The following DHRS4 variants were observed in gnomAD, a reference collection of about 807,000 sequenced individuals.
The protein encoded by DHRS4 is dehydrogenase/reductase SDR family member 4.
In DHRS4, 20 loss-of-function variants were observed where a neutral mutation model predicts 28.4. The ratio of observed to expected loss-of-function variants is 0.71; its 90% CI spans 0.50 to 1.02. The LOEUF is 1.02. Among genes scored for constraint, DHRS4 ranks in the 50% least tolerant of loss-of-function variants. The pLI is 0.00. For synonymous variants in DHRS4, 144 were observed against 146.4 expected (o/e 0.98, Z 0.12); for missense variants, 378 against 367.2 (o/e 1.03, Z -0.24).
In DHRS4 at chr14:23,959,263, C is replaced by G. The variant is rs186538135; in HGVS notation, c.307-639C>G. Among the ~76,000 whole-genome samples, 1,465 of 152,228 alleles carry G rather than the reference C, an allele frequency of 9.6e-3. 26 individuals carry two copies. Among genetic ancestry groups the G allele is most frequent in the African/African-American group, 0.033 (1,354 of 41,540 alleles). ...GGAAGAATAGGAGGTGGGAAGAAAA[C>G]ACTGCAAAAGAAATAGGGCCAACTT... On this transcript the variant is annotated intron_variant, in intron 2 of 7. Coordinates refer to ENST00000313250, the MANE Select transcript of DHRS4 (RefSeq NM_021004.4).
intron 2 of DHRS4, among the ~76,000 whole-genome samples, chr14:23,958,698 C>G (rs1007479015): frequency 4.6e-5 from 7 of 152,196 alleles, no homozygotes; most frequent in Non-Finnish European, 8.8e-5. Context: ...CATCACGGCT[C>G]TCCTGGGCAA....
intron 1 of DHRS4, among the ~76,000 whole-genome samples, chr14:23,954,615 C>CA (rs1236294747): frequency 1.7e-4 from 26 of 152,176 alleles, no homozygotes; most frequent in Non-Finnish European, 2.5e-4. Context: ...ACATGCACCC[C>CA]AAAAAATAAC....
At position 23,960,041 on chromosome 14, in the gene DHRS4, C is replaced by A. The variant is rs1445536753; in HGVS notation, c.408+38C>A. On this transcript the variant is annotated intron_variant, in intron 3 of 7. Transcript: ENST00000313250. ...TAAAGCAGGGGGGCCGGGGGGGGCG[C>A]CTTGGAACACATTCAGCACAAACTC... The A allele has an allele frequency of 4.5e-6, 7 of 1,567,608 alleles. No homozygotes were observed. In the East Asian group the frequency reaches 1.3e-4, roughly 30 times the overall value.
chr14:23,954,922 T>A, intron 1 of DHRS4, 113 bp from the exon 2 acceptor site: 1 of 1,537,790 alleles, frequency 6.5e-7, no homozygotes, highest in Non-Finnish European at 8.8e-7. Flanking sequence ...ACGTAGGGGT[T>A]ATATAGAGAA....
At position 23,953,852 on chromosome 14, in the gene DHRS4, T is replaced by C. The variant is rs1594406601; in HGVS notation, c.64T>C (p.Ser22Pro). Residue 22 changes from serine to proline, a missense_variant, in exon 1 of 8, where the codon TCC becomes CCC. By Grantham distance (74) the Ser-to-Pro change is moderately conservative. Coordinates refer to ENST00000313250, the MANE Select transcript of DHRS4 (RefSeq NM_021004.4). The part of the protein sequence containing the change: ...RAWNSVRMAS[S>P]GMTRRDPLAN... Reference sequence around the variant, plus strand: ...TTGGAATTCGGTGCGGATGGCCAGCTCCGGGATGACCCGCCGGGACCCGCT... The same window carrying C: ...TTGGAATTCGGTGCGGATGGCCAGCCCCGGGATGACCCGCCGGGACCCGCT... 1.2e-6 allele frequency: 2 copies of C among 1,613,636 alleles called. No homozygotes were observed. The highest frequency in any genetic ancestry group is 1.7e-6 in the Non-Finnish European group (2 of 1,179,808).
chr14:23,963,948 A>G (rs2033512281), intron 3 of DHRS4, among the ~76,000 whole-genome samples: 1 of 151,348 alleles, frequency 6.6e-6, no homozygotes, highest in African/African-American at 2.5e-5. Context: ...ACAGAGAGGG[A>G]GAGAGATGAG....
Position 23,968,937 on chromosome 14 carries a change from C to T in DHRS4, c.*66C>T. 1.3e-6 allele frequency: 2 copies of T among 1,593,966 alleles called. No individual in the cohort carries two copies. The highest frequency in any genetic ancestry group is 1.8e-4 in the Middle Eastern group (1 of 5,690). Reference sequence around the variant, plus strand: ...TCCTGGTGCTGTTCCCGCATTCACCCACTGGCCTTTCCCACCTCTGCTCAC... The same window carrying T: ...TCCTGGTGCTGTTCCCGCATTCACCTACTGGCCTTTCCCACCTCTGCTCAC... On this transcript the variant is annotated 3_prime_UTR_variant, in exon 8 of 8. Coordinates refer to ENST00000313250, the MANE Select transcript of DHRS4 (RefSeq NM_021004.4).
chr14:23,966,384 A>C lies in DHRS4; in HGVS notation c.633A>C (p.Ala211=). ...APRNIRVNCL[A]PGLIKTSFSR... ...GGAACATTAGGGTGAACTGCCTAGC[A>C]CCTGGACTTATCAAGACTAGCTTCA... The change falls in exon 6 of 8, where the codon GCA becomes GCC. Residue 211 remains alanine, a synonymous_variant. Coordinates refer to ENST00000313250, the MANE Select transcript of DHRS4 (RefSeq NM_021004.4). 3.1e-6 allele frequency: 5 copies of C among 1,614,026 alleles called. No homozygotes were observed. Among genetic ancestry groups the C allele is most frequent in the Non-Finnish European group, 4.2e-6 (5 of 1,180,014 alleles).
chr14:23,960,437 A>C (rs913109597), intron 3 of DHRS4, among the ~76,000 whole-genome samples: 2 of 152,070 alleles, frequency 1.3e-5, no homozygotes, highest in Non-Finnish European at 2.9e-5. Context: ...CTTATTTAAA[A>C]TACTAATTCT....
intron 3 of DHRS4, among the ~76,000 whole-genome samples, chr14:23,960,242 C>T (rs867177879): frequency 6.6e-5 from 10 of 152,120 alleles, no homozygotes; most frequent in Middle Eastern, 3.4e-3. Flanking sequence ...CTTCACTAGC[C>T]ACAGTCTGCT....
At position 23,959,426 on chromosome 14, in the gene DHRS4, C is replaced by A. The variant is rs190916288; in HGVS notation, c.307-476C>A. On this transcript the variant is annotated intron_variant, in intron 2 of 7. Coordinates refer to ENST00000313250, the MANE Select transcript of DHRS4 (RefSeq NM_021004.4). ...TACAAAAATTGCCCGGGTGTGGTGG[C>A]ACGCACTTGTAGTCCCAACTACTTG... Among the ~76,000 whole-genome samples the A allele has an allele frequency of 4.7e-3, 711 of 152,190 alleles. 9 individuals carry two copies. The highest frequency in any genetic ancestry group is 0.016 in the African/African-American group (668 of 41,520).
At chr14:23,966,493 C>T (rs1440010686) in intron 6 of DHRS4, 76 bp downstream of exon 6, 4 of 1,589,126 alleles carry the variant, frequency 2.5e-6, no homozygotes, top group Non-Finnish European at 3.4e-6. Context: ...AAGCCCACTA[C>T]CTGAGTCCTG....
At chr14:23,966,172 C>T in intron 5 of DHRS4, 111 bp from the exon 6 acceptor site, 2 of 1,574,444 alleles carry the variant, frequency 1.3e-6, no homozygotes, top group Non-Finnish European at 8.6e-7. Flanking sequence ...TTCCCTAACT[C>T]TGCCCCTCCC....
At chr14:23,959,358 G>A (rs1467975120) in intron 2 of DHRS4, among the ~76,000 whole-genome samples, 1 of 152,208 alleles carries the variant, frequency 6.6e-6, no homozygotes, top group African/African-American at 2.4e-5. Context: ...AGGAGTTCCA[G>A]ACCAGCCTGG....
Position 23,966,001 on chromosome 14 carries a change from T to C in DHRS4, c.531+18T>C. 1.2e-6 allele frequency: 2 copies of C among 1,610,166 alleles called. 1 individual carries two copies. Among genetic ancestry groups the C allele is most frequent in the Admixed American group, 3.3e-5 (2 of 59,912 alleles). On this transcript the variant is annotated intron_variant, in intron 5 of 7. Transcript: ENST00000313250. ...CATCTCCTGTAAGAACCCTTTTGTC[T>C]ACCTCTTCCATCCCACCCTCCACTC...
At chr14:23,962,763 C>A (rs1460112493) in intron 3 of DHRS4, among the ~76,000 whole-genome samples, 13 of 151,124 alleles carry the variant, frequency 8.6e-5, no homozygotes, top group Middle Eastern at 3.4e-3. Flanking sequence ...TAAAATGGTG[C>A]ATCCTTTACA....
intron 2 of DHRS4, among the ~76,000 whole-genome samples, chr14:23,957,812 A>T (rs61999767): frequency 1.3e-5 from 2 of 148,966 alleles, no homozygotes; most frequent in Non-Finnish European, 3.0e-5. Flanking sequence ...GGGCCTACCA[A>T]AGTGCTAGGA....
intron 2 of DHRS4, 101 bp downstream of exon 2, chr14:23,955,313 T>C: frequency 2.7e-6 from 4 of 1,460,198 alleles, no homozygotes; most frequent in South Asian, 2.9e-5. Context: ...TTTTACTGTG[T>C]GCCTTTCTAT....
chr14:23,963,027 G>C (rs1479369400), intron 3 of DHRS4, among the ~76,000 whole-genome samples: 11 of 127,064 alleles, frequency 8.7e-5, no homozygotes, highest in African/African-American at 3.9e-4. Flanking sequence ...ATCTTTTTCT[G>C]AGCAGTAGCT....
Sources: allele counts gnomAD v4.1 joint callset (sites outside exome capture counted in the v4.1 genomes callset), GRCh38; gene constraint gnomAD v4.1.1; transcripts MANE v1.5; gene names NCBI Gene and HGNC (gene_info 2026-07-23, HGNC 2026-07-21).